Variants in SOD2 observed in about 807,000 individuals in gnomAD.
SOD2 encodes the protein superoxide dismutase [Mn], mitochondrial.
A neutral mutation model predicts 27.0 loss-of-function variants in SOD2; 11 were observed. That is an observed-to-expected ratio of 0.41 (90% CI 0.26 to 0.67). The LOEUF (loss-of-function observed/expected upper bound fraction) is 0.67, where lower values mean the gene tolerates loss of function less well. Ranked by LOEUF, SOD2 falls within the 30% of genes least tolerant of loss-of-function variation. SOD2 has a pLI of 0.34. For synonymous variants in SOD2, 105 were observed against 103.0 expected (o/e 1.02, Z -0.12); for missense variants, 250 against 274.5 (o/e 0.91, Z 0.63).
chr6:159,685,777 T>C (rs189105048), intron 3 of SOD2, among the ~76,000 whole-genome samples: 1 of 152,160 alleles, frequency 6.6e-6, no homozygotes, highest in East Asian at 1.9e-4. Context: ...GTGAGACATG[T>C]GGTATTTGGT....
chr6:159,672,845 C>G lies in SOD2; in HGVS notation c.*9648G>C, dbSNP rs371665142. ...CCATCAGGGTGCTGTATTCAGGAAA[C>G]CCATCTCACGTACAGAGACACACAC... On this transcript the variant is annotated 3_prime_UTR_variant, in exon 5 of 5. Transcript: ENST00000538183. The G allele has an allele frequency of 4.0e-4, 61 of 151,982 alleles. 1 individual carries two copies. In the East Asian group the frequency reaches 0.01, roughly 25 times the overall value. The allele number at this position is 151,982 out of a possible 1,614,324, so 9.4% of individuals were successfully genotyped here.
intron 1 of SOD2, chr6:159,753,450 T>G: frequency 6.2e-7 from 1 of 1,614,200 alleles, no homozygotes; most frequent in African/African-American, 1.3e-5. Flanking sequence ...GATGGCTCTT[T>G]CCTTTGCAGC....
Position 159,674,049 on chromosome 6 carries a change from G to A in SOD2, c.*8444C>T, listed in dbSNP as rs1779724986. The A allele has an allele frequency of 6.6e-6, 1 of 152,124 alleles. No individual in the cohort carries two copies. Among genetic ancestry groups the A allele is most frequent in the African/African-American group, 2.4e-5 (1 of 41,426 alleles). The allele number at this position is 152,124 out of a possible 1,614,324, so 9.4% of individuals were successfully genotyped here. A position where few individuals can be genotyped will look rare whatever the true frequency, so the allele number is the denominator to read the frequency against. ...CACCCTCTCAAAACTAAACCAGGAA[G>A]AAGTTTAATCCCTGAATAGACCAAT... On this transcript the variant is annotated 3_prime_UTR_variant, in exon 5 of 5. Coordinates refer to ENST00000538183, the MANE Select transcript of SOD2 (RefSeq NM_000636.4).
At chr6:159,708,146 AC>A (rs763832256) in intron 1 of SOD2, among the ~76,000 whole-genome samples, 5 of 152,184 alleles carry the variant, frequency 3.3e-5, no homozygotes, top group African/African-American at 9.7e-5. Context: ...TTTATGACAA[AC>A]CCACACCCAA....
chr6:159,729,042 ATTGT>A (rs1302020811), upstream of SOD2, among the ~76,000 whole-genome samples: 2 of 152,124 alleles, frequency 1.3e-5, no homozygotes, highest in African/African-American at 2.4e-5. Context: ...ATTTTTGTGT[ATTGT>A]TTGTCAGAAA....
At chr6:159,727,405 C>CGGGAGGCGGGAGGCGGG (rs776642727), upstream of SOD2, 9 of 1,208,880 alleles carry the variant, frequency 7.4e-6, no homozygotes, top group African/African-American at 3.3e-5. Context: ...AGGCGGGAGG[C>CGGGAGGCGGGAGGCGGG]AGTGGCGCTG....
upstream of SOD2, chr6:159,693,244 C>G: frequency 7.3e-7 from 1 of 1,370,326 alleles, no homozygotes; most frequent in South Asian, 1.3e-5. Flanking sequence ...CCACGAGTGC[C>G]GCTCCTGCGC....
At chr6:159,704,839 C>T (rs1777591916) in intron 1 of SOD2, among the ~76,000 whole-genome samples, 1 of 152,216 alleles carries the variant, frequency 6.6e-6, no homozygotes, top group South Asian at 2.1e-4. Context: ...CGAGTGGGTC[C>T]CTGACCCCTG....
upstream of SOD2, among the ~76,000 whole-genome samples, chr6:159,727,947 GCCGGAGAGA>G (rs1170210655): frequency 1.3e-5 from 2 of 152,246 alleles, no homozygotes; most frequent in African/African-American, 4.8e-5. Flanking sequence ...TGCTCTGGCG[GCCGGAGAGA>G]CCGGCCACTC....
Position 159,685,025 on chromosome 6 carries a change from G to A in SOD2, c.352C>T (p.Leu118=). 6.3e-7 allele frequency: 1 copy of A among 1,591,002 alleles called. No individual in the cohort carries two copies. The highest frequency in any genetic ancestry group is 8.5e-7 in the Non-Finnish European group (1 of 1,171,372). ...CCAAAGTCACGTTTGATGGCTTCCA[G>A]CAACTCCCCTATTAAAAAAAAAATC... is the stretch of plus-strand genomic sequence containing the variant. ...NGGGEPKGEL[L]EAIKRDFGSF... is the part of the protein sequence containing the mutation. The change falls in exon 4 of 5, where the codon CTG becomes TTG. Residue 118 remains leucine (L), a synonymous_variant. Coordinates refer to ENST00000538183, the MANE Select transcript of SOD2 (RefSeq NM_000636.4).
At chr6:159,728,239 T>TA (rs1336528773), upstream of SOD2, among the ~76,000 whole-genome samples, 1 of 152,246 alleles carries the variant, frequency 6.6e-6, no homozygotes, top group African/African-American at 2.4e-5. Context: ...ATCCAAGTCT[T>TA]ACCTTGGATC....
intron 1 of SOD2, among the ~76,000 whole-genome samples, chr6:159,750,846 C>T (rs377625820): frequency 0.015 from 2,310 of 152,160 alleles, 60 homozygotes; most frequent in African/African-American, 0.052. Flanking sequence ...CAGGCAATCC[C>T]GTCTGGAATA....
chr6:159,692,580 A>G, intron 2 of SOD2, 81 bp downstream of exon 2: 4 of 1,583,136 alleles, frequency 2.5e-6, no homozygotes, highest in Non-Finnish European at 3.4e-6. Context: ...TCCTCCACGG[A>G]GAGGCCCGTC....
Position 159,685,048 on chromosome 6 carries a change from A to G in SOD2, c.344-15T>C. On this transcript the variant is annotated splice_polypyrimidine_tract_variant and intron_variant, in intron 3 of 4. Coordinates refer to ENST00000538183, the MANE Select transcript of SOD2 (RefSeq NM_000636.4). ...CAGCAACTCCCCTATTAAAAAAAAA[A>G]TCCAAAACCACCCACAAATGAACAG... is the stretch of plus-strand genomic sequence containing the variant. 2 of 1,566,756 alleles carry G rather than the reference A, an allele frequency of 1.3e-6. No homozygotes were observed. Among genetic ancestry groups the G allele is most frequent in the East Asian group, 2.3e-5 (1 of 44,302 alleles).
At chr6:159,713,340 TAC>T in intron 1 of SOD2, 2 of 657,646 alleles carry the variant, frequency 3.0e-6, no homozygotes, top group Non-Finnish European at 5.5e-6. Context: ...CCAATGCTAT[TAC>T]ACCTCAGCCA....
At chr6:159,736,799 C>T (rs1231667816) in intron 1 of SOD2, 1 of 152,994 alleles carries the variant, frequency 6.5e-6, no homozygotes, top group Admixed American at 6.5e-5. Context: ...TTGTGCATTC[C>T]TACCTTGAGT....
chr6:159,684,649 T>C (rs1780103627), intron 4 of SOD2, among the ~76,000 whole-genome samples: 1 of 152,292 alleles, frequency 6.6e-6, no homozygotes, highest in African/African-American at 2.4e-5. Flanking sequence ...TGTTTGTTAA[T>C]GTACCTATAA....
chr6:159,757,774 A>G (rs1407862292), intron 1 of SOD2, among the ~76,000 whole-genome samples: 1 of 152,212 alleles, frequency 6.6e-6, no homozygotes, highest in African/African-American at 2.4e-5. Context: ...TTTAATTTGC[A>G]TGTGATTAAA....
At chr6:159,712,736 CTACTCAGACCACCA>C in intron 1 of SOD2, 1 of 436,508 alleles carries the variant, frequency 2.3e-6, no homozygotes, top group Non-Finnish European at 4.5e-6. Flanking sequence ...ACCACTCACA[CTACTCAGACCACCA>C]TAACCACCTC....
Sources: gnomAD v4.1 joint callset for allele counts (sites outside exome capture counted in the v4.1 genomes callset) on GRCh38, gnomAD v4.1.1 for gene constraint, MANE v1.5 for transcripts, NCBI Gene and HGNC (gene_info 2026-07-23, HGNC 2026-07-21) for gene names.